LRRC72: variants seen among roughly 807,000 people sequenced by gnomAD.
The protein encoded by LRRC72 is leucine rich repeat containing 72, also known as leucine-rich repeat-containing protein 72.
In LRRC72, 41 loss-of-function variants were observed where a neutral mutation model predicts 35.8. The ratio of observed to expected loss-of-function variants is 1.15; its 90% CI spans 0.89 to 1.49. LRRC72 has a LOEUF of 1.49. Among genes scored for constraint, LRRC72 ranks in the 40% most tolerant of loss-of-function variants. The pLI is 0.00. For missense variants in LRRC72, 389 were observed against 330.7 expected (o/e 1.18, Z -1.37); for synonymous variants, 118 against 119.2 (o/e 0.99, Z 0.07).
chr7:16,552,272 C>A (rs993041816), intron 3 of LRRC72, among the ~76,000 whole-genome samples: 2 of 152,110 alleles, frequency 1.3e-5, no homozygotes, highest in Non-Finnish European at 2.9e-5. Flanking sequence ...ACAATTACAG[C>A]AACATTGATT....
At chr7:16,552,923 G>A (rs1443913006) in intron 3 of LRRC72, among the ~76,000 whole-genome samples, 4 of 152,152 alleles carry the variant, frequency 2.6e-5, no homozygotes, top group Admixed American at 6.5e-5. Flanking sequence ...CTGTATAATC[G>A]TGGGTAAATT....
intron 4 of LRRC72, among the ~76,000 whole-genome samples, chr7:16,558,206 T>C (rs1216764552): frequency 6.6e-6 from 1 of 152,044 alleles, no homozygotes; most frequent in African/African-American, 2.4e-5. Context: ...GCATTATAAA[T>C]CTAAGTAGCA....
At chr7:16,554,578 T>C (rs1782616619) in intron 3 of LRRC72, among the ~76,000 whole-genome samples, 1 of 152,172 alleles carries the variant, frequency 6.6e-6, no homozygotes, top group African/African-American at 2.4e-5. Flanking sequence ...CCATTGTATT[T>C]AATATCCCCT....
intron 7 of LRRC72, among the ~76,000 whole-genome samples, chr7:16,569,896 T>G (rs1162377489): frequency 6.6e-6 from 1 of 151,878 alleles, no homozygotes; most frequent in Non-Finnish European, 1.5e-5. Context: ...CTGGGTGCAG[T>G]GATGGCACCT....
At chr7:16,580,624 A>G (rs1369288937) in intron 8 of LRRC72, among the ~76,000 whole-genome samples, 2 of 152,224 alleles carry the variant, frequency 1.3e-5, no homozygotes, top group Non-Finnish European at 2.9e-5. Context: ...AGCCTGGGTG[A>G]CAGAGTGAGA....
intron 3 of LRRC72, among the ~76,000 whole-genome samples, chr7:16,546,120 T>A (rs1336241560): frequency 6.6e-6 from 1 of 152,202 alleles, no homozygotes; most frequent in African/African-American, 2.4e-5. Flanking sequence ...TCCTATATAA[T>A]TTAGGGTATA....
intron 3 of LRRC72, among the ~76,000 whole-genome samples, chr7:16,538,122 T>C (rs1424037232): frequency 1.3e-5 from 2 of 152,202 alleles, no homozygotes; most frequent in East Asian, 3.8e-4. Flanking sequence ...CAACTGTCAA[T>C]CTTCAATCAC....
chr7:16,577,557 T>A (rs1025379209), intron 7 of LRRC72, among the ~76,000 whole-genome samples: 1 of 152,054 alleles, frequency 6.6e-6, no homozygotes, highest in Admixed American at 6.5e-5. Context: ...ATTATATGTA[T>A]CCCATAAATA....
At chr7:16,540,811 A>T (rs1489035944) in intron 3 of LRRC72, among the ~76,000 whole-genome samples, 1 of 152,124 alleles carries the variant, frequency 6.6e-6, no homozygotes, top group Admixed American at 6.5e-5. Flanking sequence ...TTACACCATG[A>T]CTGTAAGCTT....
chr7:16,538,042 G>A (rs943023567), intron 3 of LRRC72, among the ~76,000 whole-genome samples: 2 of 152,110 alleles, frequency 1.3e-5, no homozygotes, highest in African/African-American at 4.8e-5. Flanking sequence ...ATCTCTCTTA[G>A]GTAATACAAA....
chr7:16,546,826 T>C (rs1782450941), intron 3 of LRRC72, among the ~76,000 whole-genome samples: 1 of 152,062 alleles, frequency 6.6e-6, no homozygotes, highest in Non-Finnish European at 1.5e-5. Flanking sequence ...TATTCAAACA[T>C]TGCATCCTCC....
At position 16,581,470 on chromosome 7, in the gene LRRC72, TCA is replaced by T. The variant is rs771269153; in HGVS notation, c.848_849del (p.Thr283SerfsTer?). 9 of 1,548,818 alleles carry T rather than the reference TCA, an allele frequency of 5.8e-6. No individual in the cohort carries two copies. The highest frequency in any genetic ancestry group is 7.9e-6 in the Non-Finnish European group (9 of 1,146,322). On this transcript the variant is annotated frameshift_variant, in exon 9 of 9. Coordinates refer to ENST00000401542, the MANE Select transcript of LRRC72 (RefSeq NM_001195280.2). LOFTEE classifies it high-confidence loss of function. ...GAAGGCACAGAAACAGCTCAAATGC[TCA>T]CAGTTACACTGAGATAAGCCCTGGT...
At chr7:16,570,479 A>G (rs1319910018) in intron 7 of LRRC72, among the ~76,000 whole-genome samples, 1 of 152,102 alleles carries the variant, frequency 6.6e-6, no homozygotes, top group Admixed American at 6.6e-5. Context: ...GTTAACCATA[A>G]TGTCACTCTC....
At chr7:16,567,626 A>G (rs1583650869) in intron 7 of LRRC72, 83 bp downstream of exon 7, 9 of 1,113,388 alleles carry the variant, frequency 8.1e-6, no homozygotes, top group Non-Finnish European at 9.6e-6. Context: ...TGTAATAATA[A>G]CAACTACAAT....
rs770199908 is a variant in LRRC72 at position 16,526,930 on chromosome 7, G to A, written c.-23G>A. ...GGGCGAGGCCGGATTAATCACCGCTGCTTCGGCCGCCCATGTGTCCTGATG... is the reference window on the plus strand; with the variant it reads ...GGGCGAGGCCGGATTAATCACCGCTACTTCGGCCGCCCATGTGTCCTGATG... On this transcript the variant is annotated 5_prime_UTR_variant, in exon 1 of 9. Coordinates refer to ENST00000401542, the MANE Select transcript of LRRC72 (RefSeq NM_001195280.2). The A allele has an allele frequency of 1.0e-5, 16 of 1,535,402 alleles. No individual in the cohort carries two copies. In the South Asian group the frequency reaches 1.5e-4, roughly 15 times the overall value.
At chr7:16,577,405 T>A (rs1783060741) in intron 7 of LRRC72, among the ~76,000 whole-genome samples, 1 of 152,082 alleles carries the variant, frequency 6.6e-6, no homozygotes. Context: ...AGATTGAATA[T>A]CTAAATGTAA....
intron 3 of LRRC72, among the ~76,000 whole-genome samples, chr7:16,537,923 C>G (rs559975230): frequency 1.3e-5 from 2 of 152,256 alleles, no homozygotes; most frequent in Middle Eastern, 3.4e-3. Flanking sequence ...GAGGTGCTAT[C>G]AAATTGCAAT....
In LRRC72 at chr7:16,581,398, TG is replaced by T. The variant is rs1161433800; in HGVS notation, c.774del (p.Met258IlefsTer29). On this transcript the variant is annotated frameshift_variant, in exon 9 of 9. Transcript: ENST00000401542. LOFTEE classifies it high-confidence loss of function. ...AGATCAGTGATGACTTTGACCTCTA[TG>T]AACTGGGACACAGTTCCAACACGAG... is the stretch of plus-strand genomic sequence containing the variant. ...MKRSVMTLTS[M>X]NWDTVPTREE... 1 of 1,550,358 alleles carries T rather than the reference TG, an allele frequency of 6.5e-7. No homozygotes were observed. The highest frequency in any genetic ancestry group is 2.0e-5 in the Admixed American group (1 of 50,922).
chr7:16,532,728 A>C (rs2128334464), intron 2 of LRRC72, 160 bp downstream of exon 2: 1 of 702,084 alleles, frequency 1.4e-6, no homozygotes, highest in Non-Finnish European at 2.6e-6. Flanking sequence ...TTTCTATTGG[A>C]GAGACAAGAT....
Sources: allele counts gnomAD v4.1 joint callset (sites outside exome capture counted in the v4.1 genomes callset), GRCh38; gene constraint gnomAD v4.1.1; transcripts MANE v1.5; gene names NCBI Gene and HGNC (gene_info 2026-07-23, HGNC 2026-07-21).